The following CYGB variants were observed in gnomAD, a reference collection of about 807,000 sequenced individuals.
CYGB encodes cytoglobin.
CYGB carries 13 observed loss-of-function variants against 20.7 expected under a neutral mutation model. The observed-to-expected ratio is 0.63, with a 90% confidence interval of 0.41 to 1.00. The LOEUF is 1.00. Among genes scored for constraint, CYGB ranks in the 50% least tolerant of loss-of-function variants. The pLI is 0.00. For synonymous variants in CYGB, 93 were observed against 107.4 expected (o/e 0.87, Z 0.83); for missense variants, 218 against 257.2 (o/e 0.85, Z 1.04).
Position 76,527,489 on chromosome 17 carries a change from C to T in CYGB, c.*1089G>A. 1 of 411,184 alleles carries T rather than the reference C, an allele frequency of 2.4e-6. No individual in the cohort carries two copies. Among genetic ancestry groups the T allele is most frequent in the South Asian group, 1.7e-5 (1 of 57,390 alleles). The allele number at this position is 411,184 out of a possible 1,614,324, so 25.5% of individuals were successfully genotyped here. A position where few individuals can be genotyped will look rare whatever the true frequency, so the allele number is the denominator to read the frequency against. On this transcript the variant is annotated 3_prime_UTR_variant, in exon 4 of 4. Coordinates refer to ENST00000293230, the MANE Select transcript of CYGB (RefSeq NM_134268.5). ...AGGATGAGGATGGGCCAGGAGGGGA[C>T]ACAGCAGGAGCCACAGCAGCAAAAC...
chr17:76,529,740 C>G, intron 3 of CYGB: 2 of 985,412 alleles, frequency 2.0e-6, no homozygotes, highest in Middle Eastern at 5.2e-4. Flanking sequence ...GGGGCAACCA[C>G]TGCTCTCCAC....
rs970525423 is a variant in CYGB, at chr17:76,530,642, A to C, written c.539+337T>G. Among the ~76,000 whole-genome samples the C allele has an allele frequency of 6.6e-5, 10 of 152,038 alleles. No individual in the cohort carries two copies. The highest frequency in any genetic ancestry group is 2.4e-4 in the African/African-American group (10 of 41,384). ...ACCTGGGCTGCCTCCGAGCCTGATG[A>C]TCGGACCTTACCGCCAGGAGCCTCT... On this transcript the variant is annotated intron_variant, in intron 3 of 3. Coordinates refer to ENST00000293230, the MANE Select transcript of CYGB (RefSeq NM_134268.5). This position sits in a 1 kb window ranked among gnomAD's most constrained non-coding sequence, Gnocchi z 6.1.
chr17:76,527,404 A>C lies in CYGB; in HGVS notation c.*1174T>G, dbSNP rs1225459080. On this transcript the variant is annotated 3_prime_UTR_variant, in exon 4 of 4. Transcript: ENST00000293230. ...ATGACACAGCTGGGTCTGGTTACAA[A>C]CATCAGAAACTAGAAAAGGAGGACG... The C allele has an allele frequency of 5.5e-6, 2 of 361,172 alleles. No individual in the cohort carries two copies. Among genetic ancestry groups the C allele is most frequent in the East Asian group, 1.5e-4 (2 of 13,590 alleles). 22.4% of individuals were successfully genotyped at this position (361,172 alleles called of 1,614,324 possible).
rs529465191 is a variant in CYGB, at chr17:76,528,359, G to A, written c.*219C>T. 4 of 414,646 alleles carry A rather than the reference G, an allele frequency of 9.6e-6. No homozygotes were observed. The highest frequency in any genetic ancestry group is 2.0e-4 in the South Asian group (2 of 9,996). 25.7% of individuals were successfully genotyped at this position (414,646 alleles called of 1,614,324 possible). A position where few individuals can be genotyped will look rare whatever the true frequency, so the allele number is the denominator to read the frequency against. ...AGAAAAGCTAAGAAGAGTGGGCCCCGCTCTGCCCGCCGCGCTGGGGTCAGC... is the reference window on the plus strand; with the variant it reads ...AGAAAAGCTAAGAAGAGTGGGCCCCACTCTGCCCGCCGCGCTGGGGTCAGC... On this transcript the variant is annotated 3_prime_UTR_variant, in exon 4 of 4. Coordinates refer to ENST00000293230, the MANE Select transcript of CYGB (RefSeq NM_134268.5). The surrounding 1 kb of genome is among the most constrained non-coding windows in gnomAD (Gnocchi z 5.8).
At chr17:76,534,607 A>T (rs1167584451) in intron 1 of CYGB, among the ~76,000 whole-genome samples, 1 of 152,250 alleles carries the variant, frequency 6.6e-6, no homozygotes, top group East Asian at 1.9e-4. Context: ...CTCCTGAGGT[A>T]GGCACTGTTT....
At position 76,544,069 on chromosome 17, in the gene CYGB, C is replaced by T. The variant is rs1375210065; in HGVS notation, c.-53+6793G>A. The T allele has an allele frequency of 6.6e-6, 3 of 454,580 alleles. No individual in the cohort carries two copies. In the Admixed American group the frequency reaches 7.0e-5, roughly 11 times the overall value. The allele number at this position is 454,580 out of a possible 1,614,324, so 28.2% of individuals were successfully genotyped here. A position where few individuals can be genotyped will look rare whatever the true frequency, so the allele number is the denominator to read the frequency against. On this transcript the variant is annotated intron_variant, in intron 1 of 3. Coordinates refer to the CYGB transcript ENST00000589145. The stretch of plus-strand genomic sequence containing the variant: ...TGCCCCCAGCTGCTCTGCCATTTCT[C>T]TCTTTTCAATCCTGCATGATCCTGA...
At chr17:76,536,146 C>G (rs185650920) in intron 1 of CYGB, among the ~76,000 whole-genome samples, 1 of 152,316 alleles carries the variant, frequency 6.6e-6, no homozygotes, top group East Asian at 1.9e-4. Flanking sequence ...TGTTTCTGGG[C>G]TTGGGGGCTG....
At chr17:76,529,446 A>AGG (rs2074807752) in intron 3 of CYGB, 4 of 958,098 alleles carry the variant, frequency 4.2e-6, no homozygotes, top group Non-Finnish European at 5.0e-6. Flanking sequence ...TCCCTAGGGC[A>AGG]GGGTGGGGAG....
At chr17:76,539,228 C>T (rs1003684509), upstream of CYGB, among the ~76,000 whole-genome samples, 1 of 152,246 alleles carries the variant, frequency 6.6e-6, no homozygotes, top group Non-Finnish European at 1.5e-5. Flanking sequence ...TGAACAGCTT[C>T]TCAAAGTTGG....
At chr17:76,543,968 T>C (rs2075023072) in intron 1 of CYGB, 1 of 465,648 alleles carries the variant, frequency 2.1e-6, no homozygotes, top group Non-Finnish European at 4.4e-6. Context: ...AAACGGGCAG[T>C]AGCGTGTGGG....
Position 76,533,640 on chromosome 17 carries a change from T to G in CYGB, c.144-1949A>C, listed in dbSNP as rs371454841. 2.6e-5 allele frequency among the ~76,000 whole-genome samples: 4 copies of G among 152,152 alleles called. No individual in the cohort carries two copies. The highest frequency in any genetic ancestry group is 2.1e-4 in the South Asian group (1 of 4,822). On this transcript the variant is annotated intron_variant, in intron 1 of 3. Coordinates refer to ENST00000293230, the MANE Select transcript of CYGB (RefSeq NM_134268.5). The surrounding 1 kb of genome is among the most constrained non-coding windows in gnomAD (Gnocchi z 4.5). ...CAGGGGCCTAAAGTGGGAGGATCAC[T>G]TGAACCCGGGAGGCCAAGGCTGCAG...
chr17:76,528,547 G>T lies in CYGB; in HGVS notation c.*31C>A. The T allele has an allele frequency of 7.8e-7, 1 of 1,289,210 alleles. No individual in the cohort carries two copies. The highest frequency in any genetic ancestry group is 9.9e-7 in the Non-Finnish European group (1 of 1,009,676). 79.9% of individuals were successfully genotyped at this position (1,289,210 alleles called of 1,614,324 possible). A position where few individuals can be genotyped will look rare whatever the true frequency, so the allele number is the denominator to read the frequency against. ...CAGAACTCGGCCTTCTGCTCGAGGTGCTGCCAGGGAGGGGGGTGGAGTTAG... is the reference window on the plus strand; with the variant it reads ...CAGAACTCGGCCTTCTGCTCGAGGTTCTGCCAGGGAGGGGGGTGGAGTTAG... On this transcript the variant is annotated 3_prime_UTR_variant, in exon 4 of 4. Coordinates refer to ENST00000293230, the MANE Select transcript of CYGB (RefSeq NM_134268.5). The surrounding 1 kb of genome is among the most constrained non-coding windows in gnomAD (Gnocchi z 5.8).
chr17:76,527,410 G>A lies in CYGB; in HGVS notation c.*1168C>T. ...CAGCTGGGTCTGGTTACAAACATCA[G>A]AAACTAGAAAAGGAGGACGGGCGGT... On this transcript the variant is annotated 3_prime_UTR_variant, in exon 4 of 4. Coordinates refer to ENST00000293230, the MANE Select transcript of CYGB (RefSeq NM_134268.5). The A allele has an allele frequency of 2.8e-6, 1 of 362,544 alleles. No homozygotes were observed. Among genetic ancestry groups the A allele is most frequent in the South Asian group, 2.1e-5 (1 of 48,406 alleles). The allele number at this position is 362,544 out of a possible 1,614,324, so 22.5% of individuals were successfully genotyped here.
In CYGB at chr17:76,537,545, G is replaced by A; in HGVS notation, c.-3C>T. On this transcript the variant is annotated 5_prime_UTR_variant, in exon 1 of 4. Transcript: ENST00000293230. ...ATCTCGCCTGGCACTTTCTCCATGA[G>A]CAGCTCCAAGCCCAGCCCGGCTTTG... 5 of 1,516,606 alleles carry A rather than the reference G, an allele frequency of 3.3e-6. No homozygotes were observed. The highest frequency in any genetic ancestry group is 4.4e-6 in the Non-Finnish European group (5 of 1,132,314). 93.9% of individuals were successfully genotyped at this position (1,516,606 alleles called of 1,614,324 possible). A position where few individuals can be genotyped will look rare whatever the true frequency, so the allele number is the denominator to read the frequency against.
In CYGB at chr17:76,528,568, G is replaced by C. The variant is rs2074793873; in HGVS notation, c.*10C>G. ...AGGTGCTGCCAGGGAGGGGGGTGGAGTTAGGGGTCCTACGGCCCCGAAGAG... is the reference window on the plus strand; with the variant it reads ...AGGTGCTGCCAGGGAGGGGGGTGGACTTAGGGGTCCTACGGCCCCGAAGAG... On this transcript the variant is annotated 3_prime_UTR_variant, in exon 4 of 4. Transcript: ENST00000293230. The surrounding 1 kb of genome is among the most constrained non-coding windows in gnomAD (Gnocchi z 5.8). 1 of 1,290,756 alleles carries C rather than the reference G, an allele frequency of 7.7e-7. No homozygotes were observed. The highest frequency in any genetic ancestry group is 9.9e-7 in the Non-Finnish European group (1 of 1,011,698). 80.0% of individuals were successfully genotyped at this position (1,290,756 alleles called of 1,614,324 possible). A position where few individuals can be genotyped will look rare whatever the true frequency, so the allele number is the denominator to read the frequency against.
intron 1 of CYGB, among the ~76,000 whole-genome samples, chr17:76,549,113 A>G (rs2075083212): frequency 6.6e-6 from 1 of 152,252 alleles, no homozygotes; most frequent in Admixed American, 6.5e-5. Flanking sequence ...CTAACCAGAA[A>G]AGAAAAATCA....
chr17:76,540,924 C>A (rs535801024), upstream of CYGB, among the ~76,000 whole-genome samples: 19 of 152,300 alleles, frequency 1.2e-4, no homozygotes, highest in African/African-American at 4.6e-4. This position sits in a 1 kb window ranked among gnomAD's most constrained non-coding sequence, Gnocchi z 5.0. Flanking sequence ...CTTGCCCTTC[C>A]CCCTCCTCCT....
At chr17:76,529,044 G>GCCCCCCCCCC (rs34648121) in intron 3 of CYGB, 1 of 779,744 alleles carries the variant, frequency 1.3e-6, no homozygotes, top group African/African-American at 2.3e-5. Flanking sequence ...CAGTCATTGC[G>GCCCCCCCCCC]CCCCCCCCCC....
At position 76,537,389 on chromosome 17, in the gene CYGB, G is replaced by A. The variant is rs1475489926; in HGVS notation, c.143+11C>T. ...CCTGCCCAGGGCCCGGCCGGGCCGG[G>A]CGACACCTACCTCACCAGGATGGCC... On this transcript the variant is annotated intron_variant, in intron 1 of 3. Transcript: ENST00000293230. 1 of 1,584,106 alleles carries A rather than the reference G, an allele frequency of 6.3e-7. No homozygotes were observed. The highest frequency in any genetic ancestry group is 1.7e-5 in the Admixed American group (1 of 57,850).
Sources: gnomAD v4.1 joint callset for allele counts (sites outside exome capture counted in the v4.1 genomes callset) on GRCh38, gnomAD v4.1.1 for gene constraint, Gnocchi (gnomAD v3.1) non-coding constraint, MANE v1.5 for transcripts, NCBI Gene and HGNC (gene_info 2026-07-23, HGNC 2026-07-21) for gene names.